GUCY2C: variants seen among roughly 807,000 people sequenced by gnomAD.
GUCY2C encodes the protein guanylate cyclase 2C.
In GUCY2C, 118 loss-of-function variants were observed where a neutral mutation model predicts 131.1. The ratio of observed to expected loss-of-function variants is 0.90; its 90% CI spans 0.78 to 1.05. The LOEUF (loss-of-function observed/expected upper bound fraction) is 1.05. GUCY2C is among the 50% of genes least tolerant of loss of function. The pLI is 0.00. For synonymous variants in GUCY2C, 452 were observed against 457.8 expected, an observed-to-expected ratio of 0.99 and a Z score of 0.16; for missense variants, 1,161 against 1,304.4, an observed-to-expected ratio of 0.89 and a Z score of 1.69.
rs771177780 is a variant in GUCY2C at position 14,622,069 on chromosome 12, A to T, written c.2537T>A (p.Val846Glu). 15 of 1,610,656 alleles carry T rather than the reference A, an allele frequency of 9.3e-6. No homozygotes were observed. The highest frequency in any genetic ancestry group is 1.1e-5 in the South Asian group (1 of 90,438). The change falls in exon 22 of 27, where the codon GTG (valine) becomes GAG (glutamate). Residue 846 changes from valine to glutamate, a missense_variant. By Grantham distance (121) the Val-to-Glu change is moderately radical. Transcript: ENST00000261170. ...ICKYSTPMEV[V>E]DMLNDIYKSF... ...CTTATAGATGTCATTAAGCATGTCC[A>T]CCACTTCCATGGGGGTGCTGTATTT...
chr12:14,636,507 C>T (rs964555890), intron 19 of GUCY2C, among the ~76,000 whole-genome samples: 13 of 152,062 alleles, frequency 8.5e-5, no homozygotes, highest in African/African-American at 2.9e-4. Context: ...ATAATAAAAG[C>T]CATATACTAC....
chr12:14,624,009 T>C lies in GUCY2C; in HGVS notation c.2408+1748A>G, dbSNP rs151053464. Among the ~76,000 whole-genome samples the C allele has an allele frequency of 3.8e-4, 58 of 152,306 alleles. 1 individual carries two copies. The East Asian group carries it at 0.011, about 29-fold the overall frequency. On this transcript the variant is annotated intron_variant, in intron 21 of 26. Transcript: ENST00000261170. The stretch of plus-strand genomic sequence containing the variant: ...CTATTACACTTGGAAAATAGTGTGT[T>C]ATCCAGAGAGAGAAACTCATGTTGT...
At chr12:14,644,151 C>A (rs1947464061) in intron 16 of GUCY2C, among the ~76,000 whole-genome samples, 1 of 152,114 alleles carries the variant, frequency 6.6e-6, no homozygotes, top group African/African-American at 2.4e-5. Flanking sequence ...GAAGTGGTTT[C>A]ATCCTATTTT....
Position 14,641,088 on chromosome 12 carries a change from G to T in GUCY2C, c.2062C>A (p.Arg688=). 6.2e-7 allele frequency: 1 copy of T among 1,613,334 alleles called. No homozygotes were observed. The highest frequency in any genetic ancestry group is 8.5e-7 in the Non-Finnish European group (1 of 1,179,784). Residue 688 remains arginine, a synonymous_variant, in exon 18 of 27, where the codon CGG becomes AGG. Transcript: ENST00000261170. ...ETFYTLSCRD[R]NEKIFRVENS... ...TGAATGGGTTTAGATGTACCATTCC[G>T]GTCCCGACAGCTCAAAGTGTAGAAG...
chr12:14,643,671 G>A lies in GUCY2C; in HGVS notation c.1833C>T (p.Val611=), dbSNP rs754177215. 1 of 1,613,094 alleles carries A rather than the reference G, an allele frequency of 6.2e-7. No individual in the cohort carries two copies. The highest frequency in any genetic ancestry group is 1.3e-5 in the African/African-American group (1 of 75,006). ...MSYLHSSKTE[V]HGRLKSTNCV... ...AGTTGGTAGATTTCAGACGACCATG[G>A]ACTTCTGTCTTACTGGAGTGCAGAT... Residue 611 remains valine, a synonymous_variant, in exon 17 of 27, where the codon GTC becomes GTT. Coordinates refer to ENST00000261170, the MANE Select transcript of GUCY2C (RefSeq NM_004963.4).
intron 10 of GUCY2C, among the ~76,000 whole-genome samples, chr12:14,662,915 C>T (rs556127290): frequency 6.6e-6 from 1 of 152,186 alleles, no homozygotes; most frequent in Non-Finnish European, 1.5e-5. Flanking sequence ...CTAACATCTT[C>T]ATCTTACAAA....
At chr12:14,652,859 A>G in intron 13 of GUCY2C, 93 bp downstream of exon 13, 1 of 844,516 alleles carries the variant, frequency 1.2e-6, no homozygotes, top group Middle Eastern at 2.5e-4. Context: ...GACTCCCACC[A>G]TTGTGATACT....
intron 19 of GUCY2C, among the ~76,000 whole-genome samples, chr12:14,630,246 T>G (rs1947112771): frequency 6.6e-6 from 1 of 151,892 alleles, no homozygotes; most frequent in Admixed American, 6.6e-5. Context: ...GGGAAGGAAC[T>G]AGAGCCGCGG....
Position 14,679,652 on chromosome 12 carries a change from C to T in GUCY2C, c.830+5G>A. The T allele has an allele frequency of 1.4e-6, 2 of 1,409,124 alleles. No homozygotes were observed. The highest frequency in any genetic ancestry group is 2.0e-6 in the Non-Finnish European group (2 of 993,156). The allele number at this position is 1,409,124 out of a possible 1,614,324, so 87.3% of individuals were successfully genotyped here. Reference sequence around the variant, plus strand: ...GAGGAGGGTTTTTCCAAATGTTATACCTACTTGAAAAGATCCACTAGAATA... The same window carrying T: ...GAGGAGGGTTTTTCCAAATGTTATATCTACTTGAAAAGATCCACTAGAATA... On this transcript the variant is annotated splice_donor_5th_base_variant and intron_variant, in intron 6 of 26. Coordinates refer to ENST00000261170, the MANE Select transcript of GUCY2C (RefSeq NM_004963.4).
chr12:14,684,991 G>T (rs141396705), intron 3 of GUCY2C, among the ~76,000 whole-genome samples: 11 of 152,104 alleles, frequency 7.2e-5, no homozygotes, highest in African/African-American at 2.7e-4. Flanking sequence ...GCAGTTTCCT[G>T]TTTCCATTTC....
At chr12:14,619,575 G>A (rs937385252) in intron 23 of GUCY2C, among the ~76,000 whole-genome samples, 6 of 152,208 alleles carry the variant, frequency 3.9e-5, no homozygotes, top group African/African-American at 1.2e-4. Context: ...CAGAGATCCA[G>A]ATCACAAAGG....
chr12:14,627,018 T>A (rs916061285), intron 20 of GUCY2C, among the ~76,000 whole-genome samples: 1 of 152,182 alleles, frequency 6.6e-6, no homozygotes, highest in African/African-American at 2.4e-5. Context: ...TAACTCTGGA[T>A]TATTTTGTCA....
rs190001636 is a variant in GUCY2C, at chr12:14,666,057, G to A, written c.1282+3665C>T. 1.5e-3 allele frequency: 222 copies of A among 152,486 alleles called. 1 individual carries two copies. Among genetic ancestry groups the A allele is most frequent in the African/African-American group, 5.2e-3 (218 of 41,566 alleles). The allele number at this position is 152,486 out of a possible 1,614,324, so 9.4% of individuals were successfully genotyped here. A position where few individuals can be genotyped will look rare whatever the true frequency, so the allele number is the denominator to read the frequency against. On this transcript the variant is annotated intron_variant, in intron 10 of 26. Transcript: ENST00000261170. ...GAAAAAACCATGCTTGTGGTGGGAA[G>A]CAGTAGGTTATATAGGGAGGCTTCA...
intron 15 of GUCY2C, among the ~76,000 whole-genome samples, chr12:14,651,077 G>A (rs904673568): frequency 7.2e-5 from 11 of 152,020 alleles, no homozygotes; most frequent in Admixed American, 4.6e-4. Context: ...CTTATTTGGC[G>A]CTATCATAAT....
intron 15 of GUCY2C, among the ~76,000 whole-genome samples, chr12:14,645,664 G>A (rs560608075): frequency 2.6e-5 from 4 of 152,060 alleles, no homozygotes; most frequent in African/African-American, 7.2e-5. Context: ...TTTAAAACAG[G>A]CAATTGCTAT....
At chr12:14,614,614 T>C (rs909183084) in intron 26 of GUCY2C, 2 of 419,994 alleles carry the variant, frequency 4.8e-6, no homozygotes, top group African/African-American at 2.1e-5. Flanking sequence ...GGGAAGCAAG[T>C]CTGTGTTCCA....
rs1948307720 is a variant in GUCY2C at position 14,679,645 on chromosome 12, T to C, written c.830+12A>G. 7.6e-7 allele frequency: 1 copy of C among 1,323,498 alleles called. No homozygotes were observed. The highest frequency in any genetic ancestry group is 1.1e-6 in the Non-Finnish European group (1 of 915,400). 82.0% of individuals were successfully genotyped at this position (1,323,498 alleles called of 1,614,324 possible). On this transcript the variant is annotated intron_variant, in intron 6 of 26. Transcript: ENST00000261170. ...TTGAAAGGAGGAGGGTTTTTCCAAA[T>C]GTTATACCTACTTGAAAAGATCCAC...
chr12:14,683,107 G>A lies in GUCY2C; in HGVS notation c.546C>T (p.Phe182=), dbSNP rs1454063918. 3 of 1,613,704 alleles carry A rather than the reference G, an allele frequency of 1.9e-6. No individual in the cohort carries two copies. Among genetic ancestry groups the A allele is most frequent in the Non-Finnish European group, 2.5e-6 (3 of 1,179,694 alleles). Residue 182 remains phenylalanine, a synonymous_variant, in exon 4 of 27, where the codon TTC becomes TTT. Transcript: ENST00000261170. The part of the protein sequence containing the change: ...VNFWKTNDLP[F]KTYSWSTSYV... Reference sequence around the variant, plus strand: ...ACGAAGTGCTCCAGGAATAAGTTTTGAAGGGCAGATCGTTGGTTTTCCAAA... The same window carrying A: ...ACGAAGTGCTCCAGGAATAAGTTTTAAAGGGCAGATCGTTGGTTTTCCAAA...
rs747192873 is a variant in GUCY2C at position 14,641,087 on chromosome 12, C to T, written c.2063G>A (p.Arg688Gln). The stretch of plus-strand genomic sequence containing the variant: ...ATGAATGGGTTTAGATGTACCATTC[C>T]GGTCCCGACAGCTCAAAGTGTAGAA... ...ETFYTLSCRD[R>Q]NEKIFRVENS... Residue 688 changes from arginine to glutamine, a missense_variant, in exon 18 of 27, where the codon CGG (arginine) becomes CAG (glutamine). Transcript: ENST00000261170. The T allele has an allele frequency of 6.9e-5, 111 of 1,613,262 alleles. No individual in the cohort carries two copies. In the Middle Eastern group the frequency reaches 1.2e-3, roughly 18 times the overall value.
Sources: gnomAD v4.1 joint callset for allele counts (sites outside exome capture counted in the v4.1 genomes callset) on GRCh38, gnomAD v4.1.1 for gene constraint, MANE v1.5 for transcripts, NCBI Gene and HGNC (gene_info 2026-07-23, HGNC 2026-07-21) for gene names.